The following GSG1L variants were observed in gnomAD, a reference collection of about 807,000 sequenced individuals.
GSG1L encodes the protein GSG1 like.
GSG1L carries 24 observed loss-of-function variants against 42.1 expected under a neutral mutation model. That is an observed-to-expected ratio of 0.57 (90% confidence interval 0.41 to 0.80). The LOEUF (loss-of-function observed/expected upper bound fraction) is 0.80, where lower values mean the gene tolerates loss of function less well. GSG1L is among the 30% of genes least tolerant of loss of function. The pLI, the probability that GSG1L is intolerant of heterozygous loss-of-function variation, is 0.00. For missense variants in GSG1L, 445 were observed against 472.2 expected, an observed-to-expected ratio of 0.94 and a Z score of 0.53; for synonymous variants, 215 against 203.5, an observed-to-expected ratio of 1.06 and a Z score of -0.48.
intron 2 of GSG1L, among the ~76,000 whole-genome samples, chr16:27,946,579 A>AAGAGAGAAAGAGAG (rs2084864509): frequency 2.7e-5 from 1 of 36,998 alleles, no homozygotes; most frequent in Admixed American, 3.2e-4. Flanking sequence ...GAAAGAAAGA[A>AAGAGAGAAAGAGAG]AGAGAGAGAG....
At chr16:27,866,238 A>C (rs1054439829) in intron 3 of GSG1L, among the ~76,000 whole-genome samples, 10 of 152,284 alleles carry the variant, frequency 6.6e-5, no homozygotes, top group Non-Finnish European at 1.3e-4. Context: ...CATGAACTAC[A>C]TACAGTGTCA....
At chr16:27,911,266 G>GCTCTCTCTCTCT (rs71648556) in intron 2 of GSG1L, among the ~76,000 whole-genome samples, 1 of 122,056 alleles carries the variant, frequency 8.2e-6, no homozygotes, top group African/African-American at 3.5e-5. Context: ...CCTCTCTCTC[G>GCTCTCTCTCTCT]CTCTCTCTCT....
intron 2 of GSG1L, among the ~76,000 whole-genome samples, chr16:27,928,875 C>T (rs921859169): frequency 6.6e-6 from 1 of 152,246 alleles, no homozygotes. Flanking sequence ...TTCTGTCCCT[C>T]TTTGCTTCCC....
At chr16:28,026,177 T>G (rs144977698) in intron 1 of GSG1L, among the ~76,000 whole-genome samples, 1 of 152,172 alleles carries the variant, frequency 6.6e-6, no homozygotes, top group Non-Finnish European at 1.5e-5. Flanking sequence ...CCCCACAGAC[T>G]GGGGGCACCT....
intron 1 of GSG1L, among the ~76,000 whole-genome samples, chr16:27,995,373 C>G (rs1300388574): frequency 1.3e-5 from 2 of 152,002 alleles, no homozygotes; most frequent in African/African-American, 2.4e-5. Context: ...ATAATAAAAC[C>G]CCACGGTGGG....
chr16:28,063,185 G>T lies in GSG1L; in HGVS notation c.240C>A (p.Gly80=). The change falls in exon 1 of 7, where the codon GGC becomes GGA. Residue 80 remains glycine (G), a synonymous_variant. Transcript: ENST00000447459. This position sits in a 1 kb window ranked among gnomAD's most constrained non-coding sequence, Gnocchi z 5.8. ...AGCTGTAGAGCGCGCCGCCAGGGGG[G>T]CCGTTCCCCGAGGCGGTGGCGGCGG... ...AAAAATASGN[G]PPGGALYSWE... 1 of 1,316,532 alleles carries T rather than the reference G, an allele frequency of 7.6e-7. No homozygotes were observed. 81.6% of individuals were successfully genotyped at this position (1,316,532 alleles called of 1,614,324 possible). A position where few individuals can be genotyped will look rare whatever the true frequency, so the allele number is the denominator to read the frequency against.
In GSG1L at chr16:27,790,103, A is replaced by G. The variant is rs1597451909; in HGVS notation, c.*1267T>C. The G allele has an allele frequency of 1.3e-5, 2 of 150,380 alleles. No homozygotes were observed. The highest frequency in any genetic ancestry group is 1.9e-4 in the East Asian group (1 of 5,144). The allele number at this position is 150,380 out of a possible 1,614,324, so 9.3% of individuals were successfully genotyped here. On this transcript the variant is annotated 3_prime_UTR_variant, in exon 7 of 7. Coordinates refer to ENST00000447459, the MANE Select transcript of GSG1L (RefSeq NM_001109763.2). The stretch of plus-strand genomic sequence containing the variant: ...GATGGATGGATGGAAGGATGGATGA[A>G]TGAATGAATGATGGATGGATGAGTG...
intron 1 of GSG1L, among the ~76,000 whole-genome samples, chr16:27,991,867 C>T (rs1049398922): frequency 1.3e-5 from 2 of 152,178 alleles, no homozygotes; most frequent in Non-Finnish European, 2.9e-5. Flanking sequence ...TTCCCATTGC[C>T]AATGCACTGC....
chr16:27,947,887 A>T (rs74015172), intron 2 of GSG1L, among the ~76,000 whole-genome samples: 4,071 of 152,244 alleles, frequency 0.027, 177 homozygotes, highest in African/African-American at 0.093. Flanking sequence ...CATTCCATGC[A>T]CAAGGGTCAG....
intron 2 of GSG1L, among the ~76,000 whole-genome samples, chr16:27,939,040 A>T (rs1244916437): frequency 6.6e-6 from 1 of 152,200 alleles, no homozygotes; most frequent in East Asian, 1.9e-4. Context: ...CCAGCACTTG[A>T]AAGCACATAA....
At chr16:27,864,220 G>A (rs1219491937) in intron 3 of GSG1L, among the ~76,000 whole-genome samples, 1 of 152,250 alleles carries the variant, frequency 6.6e-6, no homozygotes, top group Admixed American at 6.5e-5. Flanking sequence ...TGTGGGCAAG[G>A]AGATGGAATG....
intron 2 of GSG1L, among the ~76,000 whole-genome samples, chr16:27,926,370 C>A (rs2084592604): frequency 6.6e-6 from 1 of 152,144 alleles, no homozygotes; most frequent in Non-Finnish European, 1.5e-5. Context: ...AGGCGGCAGA[C>A]AACTGAAAGA....
intron 1 of GSG1L, among the ~76,000 whole-genome samples, chr16:27,963,794 G>C (rs2085097668): frequency 6.6e-6 from 1 of 152,116 alleles, no homozygotes; most frequent in Non-Finnish European, 1.5e-5. Flanking sequence ...CCTGGAACAT[G>C]CTCCCGCTGT....
rs1187178241 is a variant in GSG1L, at chr16:27,789,007, T to TA, written c.*2362dup. On this transcript the variant is annotated 3_prime_UTR_variant, in exon 7 of 7. Coordinates refer to ENST00000447459, the MANE Select transcript of GSG1L (RefSeq NM_001109763.2). Reference sequence around the variant, plus strand: ...GGCACATAGTAGGGGCACAGTGAACTATATCAGTGAATAGATGGATGCACA... The same window carrying TA: ...GGCACATAGTAGGGGCACAGTGAACTAATATCAGTGAATAGATGGATGCACA... 2 of 152,230 alleles carry TA rather than the reference T, an allele frequency of 1.3e-5. No individual in the cohort carries two copies. The highest frequency in any genetic ancestry group is 4.8e-5 in the African/African-American group (2 of 41,446). The allele number at this position is 152,230 out of a possible 1,614,324, so 9.4% of individuals were successfully genotyped here.
chr16:27,904,881 G>A (rs2084302303), intron 2 of GSG1L, among the ~76,000 whole-genome samples: 1 of 152,204 alleles, frequency 6.6e-6, no homozygotes, highest in African/African-American at 2.4e-5. Flanking sequence ...CCACCTGGAG[G>A]GGTCACATTC....
At chr16:27,829,877 C>A (rs1467319525) in intron 4 of GSG1L, among the ~76,000 whole-genome samples, 1 of 152,130 alleles carries the variant, frequency 6.6e-6, no homozygotes, top group South Asian at 2.1e-4. Flanking sequence ...ATCCTCATTA[C>A]CCACTTCCAT....
At chr16:27,931,668 T>C (rs896732474) in intron 2 of GSG1L, among the ~76,000 whole-genome samples, 4 of 152,158 alleles carry the variant, frequency 2.6e-5, no homozygotes, top group Non-Finnish European at 4.4e-5. Flanking sequence ...GGATGCACAC[T>C]CCAAGTGGAT....
intron 2 of GSG1L, among the ~76,000 whole-genome samples, chr16:27,920,535 C>CT (rs1230581672): frequency 6.6e-6 from 1 of 152,206 alleles, no homozygotes; most frequent in Non-Finnish European, 1.5e-5. Context: ...GTGTTTTCCC[C>CT]GTTTGCTATC....
At chr16:27,828,018 C>T (rs903191775) in intron 5 of GSG1L, among the ~76,000 whole-genome samples, 2 of 150,622 alleles carry the variant, frequency 1.3e-5, no homozygotes, top group African/African-American at 2.5e-5. Context: ...CTTGTCCATC[C>T]GTCCACCTAC....
Sources: allele counts gnomAD v4.1 joint callset (sites outside exome capture counted in the v4.1 genomes callset), GRCh38; gene constraint gnomAD v4.1.1; non-coding constraint Gnocchi (gnomAD v3.1); transcripts MANE v1.5; gene names NCBI Gene and HGNC (gene_info 2026-07-23, HGNC 2026-07-21).